Variants in GNAO1 observed in about 807,000 individuals in gnomAD.
GNAO1 encodes guanine nucleotide-binding protein G(o) subunit alpha.
For synonymous variants in GNAO1, 164 were observed against 180.7 expected, an observed-to-expected ratio of 0.91 and a Z score of 0.74; for missense variants, 166 against 478.7, an observed-to-expected ratio of 0.35 and a Z score of 6.10.
At chr16:56,197,826 A>T (rs1435318713) in intron 2 of GNAO1, among the ~76,000 whole-genome samples, 1 of 152,200 alleles carries the variant, frequency 6.6e-6, no homozygotes, top group Non-Finnish European at 1.5e-5. Context: ...TCAGCTGCTC[A>T]CAATACCCTA....
At chr16:56,258,616 A>G (rs1015715050) in intron 2 of GNAO1, among the ~76,000 whole-genome samples, 2 of 152,196 alleles carry the variant, frequency 1.3e-5, no homozygotes, top group Non-Finnish European at 2.9e-5. Context: ...GCCATTCAGG[A>G]AGAGCCCTGT....
rs575762925 is a variant in GNAO1 at position 56,281,320 on chromosome 16, C to T, written c.303+5248C>T. Among the ~76,000 whole-genome samples the T allele has an allele frequency of 2.6e-5, 4 of 152,270 alleles. No homozygotes were observed. In the South Asian group the frequency reaches 6.2e-4, roughly 24 times the overall value. Reference sequence around the variant, plus strand: ...GAAAAGGGACCAGAGACAGCTCCCCCTGCTGTTCTCAAACATCCTCTCCTG... The same window carrying T: ...GAAAAGGGACCAGAGACAGCTCCCCTTGCTGTTCTCAAACATCCTCTCCTG... On this transcript the variant is annotated intron_variant, in intron 3 of 8. Transcript: ENST00000262493.
intron 2 of GNAO1, among the ~76,000 whole-genome samples, chr16:56,247,490 T>G (rs936044996): frequency 4.6e-5 from 7 of 151,076 alleles, no homozygotes; most frequent in Non-Finnish European, 1.0e-4. Flanking sequence ...AGGTTTTTTT[T>G]TTTTTTTTTT....
At chr16:56,332,186 G>C (rs1369486343) in intron 4 of GNAO1, among the ~76,000 whole-genome samples, 1 of 152,120 alleles carries the variant, frequency 6.6e-6, no homozygotes, top group Non-Finnish European at 1.5e-5. Context: ...GAACCCTCGA[G>C]GGGCTCCCAT....
chr16:56,273,308 T>C (rs2037034520), intron 2 of GNAO1, among the ~76,000 whole-genome samples: 1 of 152,242 alleles, frequency 6.6e-6, no homozygotes, highest in African/African-American at 2.4e-5. Context: ...TCTAATCTGC[T>C]GTTAATCCCA....
chr16:56,344,794 G>A, intron 6 of GNAO1: 2 of 985,434 alleles, frequency 2.0e-6, no homozygotes, highest in Non-Finnish European at 2.4e-6. Flanking sequence ...ACTCTGAGGT[G>A]TGAATAGATA....
chr16:56,258,809 T>C (rs1325461056), intron 2 of GNAO1, among the ~76,000 whole-genome samples: 1 of 152,192 alleles, frequency 6.6e-6, no homozygotes, highest in Non-Finnish European at 1.5e-5. Flanking sequence ...AGACAGGGGA[T>C]TGGGGCAGGC....
intron 2 of GNAO1, among the ~76,000 whole-genome samples, chr16:56,250,682 G>A (rs1596820951): frequency 6.6e-6 from 1 of 152,214 alleles, no homozygotes; most frequent in African/African-American, 2.4e-5. Flanking sequence ...TCCTGGGGCT[G>A]TAAGGATGTT....
At chr16:56,315,016 T>G (rs1051541349) in intron 3 of GNAO1, among the ~76,000 whole-genome samples, 2 of 152,090 alleles carry the variant, frequency 1.3e-5, no homozygotes, top group African/African-American at 4.8e-5. Flanking sequence ...AACAAAACAG[T>G]ATGTGCCCAC....
chr16:56,251,574 G>A (rs1430765873), intron 2 of GNAO1, among the ~76,000 whole-genome samples: 1 of 152,194 alleles, frequency 6.6e-6, no homozygotes, highest in African/African-American at 2.4e-5. Context: ...ACCCCAGGTG[G>A]TCAAGTGCAC....
chr16:56,248,959 CT>C (rs1367694242), intron 2 of GNAO1, among the ~76,000 whole-genome samples: 1 of 152,162 alleles, frequency 6.6e-6, no homozygotes, highest in Non-Finnish European at 1.5e-5. Context: ...CATTAAGGGG[CT>C]GCTGAAGTTT....
rs145590033 is a variant in GNAO1, at chr16:56,312,062, C to T, written c.304-16569C>T. ...TGACCCTGCCCTCGGGGAGACAGGG[C>T]TGCCGGGCTCTGGGCCAGCTCTGCC... On this transcript the variant is annotated intron_variant, in intron 3 of 8. Transcript: ENST00000262493. 1.1e-3 allele frequency among the ~76,000 whole-genome samples: 166 copies of T among 152,276 alleles called. No homozygotes were observed. In the East Asian group the frequency reaches 0.029, roughly 26 times the overall value.
intron 2 of GNAO1, among the ~76,000 whole-genome samples, chr16:56,212,802 T>C (rs542184967): frequency 6.6e-6 from 1 of 152,304 alleles, no homozygotes; most frequent in South Asian, 2.1e-4. Context: ...TGGCTCCTGG[T>C]AGGGTTTCGA....
intron 3 of GNAO1, 102 bp from the exon 4 acceptor site, chr16:56,328,529 C>A: frequency 8.3e-7 from 1 of 1,201,634 alleles, no homozygotes; most frequent in Non-Finnish European, 1.2e-6. Context: ...GCTGCACTGG[C>A]TGGGCTCTCA....
intron 6 of GNAO1, among the ~76,000 whole-genome samples, chr16:56,349,041 C>T (rs2037898548): frequency 6.6e-6 from 1 of 152,204 alleles, no homozygotes; most frequent in South Asian, 2.1e-4. Flanking sequence ...CACACAGATG[C>T]CAGGCAGTAC....
intron 5 of GNAO1, among the ~76,000 whole-genome samples, chr16:56,335,700 C>A (rs1377788093): frequency 1.3e-5 from 2 of 152,222 alleles, no homozygotes; most frequent in African/African-American, 4.8e-5. Flanking sequence ...CTTGCCTTCC[C>A]AGGCTCCTTG....
intron 2 of GNAO1, among the ~76,000 whole-genome samples, chr16:56,242,041 C>A (rs921223950): frequency 1.3e-5 from 2 of 152,176 alleles, no homozygotes; most frequent in South Asian, 2.1e-4. Flanking sequence ...ATCCCACTCT[C>A]CTGCCAGCCC....
intron 2 of GNAO1, among the ~76,000 whole-genome samples, chr16:56,221,345 G>C (rs1453224743): frequency 6.6e-6 from 1 of 152,028 alleles, no homozygotes; most frequent in Admixed American, 6.5e-5. Flanking sequence ...AGTGTTCACC[G>C]ATTTCAGATG....
intron 2 of GNAO1, among the ~76,000 whole-genome samples, chr16:56,263,319 TTTCA>T (rs2036921278): frequency 6.6e-6 from 1 of 152,218 alleles, no homozygotes; most frequent in Non-Finnish European, 1.5e-5. Context: ...CAATCACCTG[TTTCA>T]TTCAGCCATT....
Sources: gnomAD v4.1 joint callset for allele counts (sites outside exome capture counted in the v4.1 genomes callset) on GRCh38, gnomAD v4.1.1 for gene constraint, MANE v1.5 for transcripts, NCBI Gene and HGNC (gene_info 2026-07-23, HGNC 2026-07-21) for gene names.